Variants in ELP4 observed in about 807,000 individuals in gnomAD.
ELP4 encodes the protein elongator complex protein 4.
ELP4 carries 51 observed loss-of-function variants against 48.9 expected under a neutral mutation model. The ratio of observed to expected loss-of-function variants is 1.04; its 90% confidence interval spans 0.83 to 1.32. The LOEUF (loss-of-function observed/expected upper bound fraction) is 1.32. ELP4 is among the 40% of genes most tolerant of loss of function. The pLI is 0.00. For missense variants in ELP4, 519 were observed against 514.6 expected (o/e 1.01, Z -0.08); for synonymous variants, 210 against 189.2 (o/e 1.11, Z -0.90).
At chr11:31,569,549 C>G (rs1292710354) in intron 3 of ELP4, among the ~76,000 whole-genome samples, 1 of 151,878 alleles carries the variant, frequency 6.6e-6, no homozygotes, top group East Asian at 1.9e-4. Flanking sequence ...TCAGGAGTTC[C>G]AGACCAGCCT....
chr11:31,696,580 A>T (rs1338674228), intron 9 of ELP4, among the ~76,000 whole-genome samples: 1 of 152,110 alleles, frequency 6.6e-6, no homozygotes, highest in East Asian at 1.9e-4. Flanking sequence ...GGAGTGCTTT[A>T]CTTCCAACTA....
chr11:31,524,280 GGGCTGA>G (rs1956261733), intron 2 of ELP4, among the ~76,000 whole-genome samples: 1 of 152,188 alleles, frequency 6.6e-6, no homozygotes, highest in Non-Finnish European at 1.5e-5. Context: ...GTGTCAGCCA[GGGCTGA>G]GTTCTCATCT....
intron 9 of ELP4, among the ~76,000 whole-genome samples, chr11:31,710,260 A>G (rs1176496618): frequency 6.6e-6 from 1 of 152,214 alleles, no homozygotes; most frequent in Non-Finnish European, 1.5e-5. Context: ...AATGAACAAG[A>G]TTTGTATGGA....
chr11:31,612,498 G>A lies in ELP4; in HGVS notation c.653+8591G>A, dbSNP rs557623235. Among the ~76,000 whole-genome samples the A allele has an allele frequency of 1.8e-4, 27 of 152,260 alleles. No homozygotes were observed. The South Asian group carries it at 5.4e-3, about 30-fold the overall frequency. On this transcript the variant is annotated intron_variant, in intron 5 of 9. Coordinates refer to ENST00000640961, the MANE Select transcript of ELP4 (RefSeq NM_019040.5). Reference sequence around the variant, plus strand: ...TCCTGGGTTGAAATTTTGCAAGGTGGAGTGAGTAGGACAAAGAACAAAGAA... The same window carrying A: ...TCCTGGGTTGAAATTTTGCAAGGTGAAGTGAGTAGGACAAAGAACAAAGAA...
At chr11:31,561,910 G>A (rs1957031048) in intron 3 of ELP4, among the ~76,000 whole-genome samples, 1 of 152,122 alleles carries the variant, frequency 6.6e-6, no homozygotes. Context: ...TTTTGATATG[G>A]GTGAGAAAAT....
At chr11:31,681,599 TAGA>T (rs1191609717) in intron 9 of ELP4, among the ~76,000 whole-genome samples, 1 of 152,116 alleles carries the variant, frequency 6.6e-6, no homozygotes, top group African/African-American at 2.4e-5. Flanking sequence ...GAAGGCAAAT[TAGA>T]AGAAGACTGA....
At chr11:31,593,867 G>A (rs1957629392) in intron 3 of ELP4, among the ~76,000 whole-genome samples, 2 of 152,302 alleles carry the variant, frequency 1.3e-5, no homozygotes, top group East Asian at 3.9e-4. Context: ...TTTAGAAGGT[G>A]AGTAAAATAT....
intron 9 of ELP4, among the ~76,000 whole-genome samples, chr11:31,725,485 T>C (rs1947057078): frequency 6.6e-6 from 1 of 152,220 alleles, no homozygotes; most frequent in Admixed American, 6.5e-5. Context: ...TAGTTCTCCC[T>C]GCCTTGCTTG....
chr11:31,744,836 G>A (rs932082029), intron 9 of ELP4, among the ~76,000 whole-genome samples: 1 of 152,100 alleles, frequency 6.6e-6, no homozygotes, highest in Non-Finnish European at 1.5e-5. Context: ...GCACAAGACA[G>A]GGATGCCCTC....
intron 9 of ELP4, among the ~76,000 whole-genome samples, chr11:31,703,901 T>C (rs1031635259): frequency 7.9e-5 from 12 of 152,184 alleles, no homozygotes; most frequent in African/African-American, 2.9e-4. Flanking sequence ...CTGGTAAACA[T>C]TTCAACTTGA....
At chr11:31,573,800 C>G (rs747462219) in intron 3 of ELP4, among the ~76,000 whole-genome samples, 4 of 150,542 alleles carry the variant, frequency 2.7e-5, no homozygotes, top group Non-Finnish European at 5.9e-5. Context: ...TCAAACACCC[C>G]TTTCTCCAAC....
rs200155061 is a variant in ELP4 at position 31,783,433 on chromosome 11, G to C, written c.1184G>C (p.Arg395Pro). The C allele has an allele frequency of 6.2e-7, 1 of 1,613,878 alleles. No individual in the cohort carries two copies. Among genetic ancestry groups the C allele is most frequent in the African/African-American group, 1.3e-5 (1 of 74,920 alleles). Residue 395 changes from arginine (R) to proline (P), a missense_variant, in exon 10 of 10, where the codon CGC (arginine) becomes CCC (proline). Transcript: ENST00000640961. Reference protein sequence around the residue: ...LPPDLSDTVSRSSKMDLAESA... With the variant: ...LPPDLSDTVSPSSKMDLAESA... The stretch of plus-strand genomic sequence containing the variant: ...CCAGACTTGTCAGACACAGTGAGCC[G>C]CTCAAGCAAAATGGATCTGGCAGAA...
chr11:31,709,406 A>C (rs565435792), intron 9 of ELP4, among the ~76,000 whole-genome samples: 19 of 152,136 alleles, frequency 1.2e-4, no homozygotes, highest in Non-Finnish European at 2.5e-4. Flanking sequence ...TTACCGAATG[A>C]CCCAAGTTTC....
intron 9 of ELP4, among the ~76,000 whole-genome samples, chr11:31,747,106 G>A (rs1217331423): frequency 1.3e-5 from 2 of 151,972 alleles, no homozygotes; most frequent in African/African-American, 2.4e-5. Flanking sequence ...AAAAATGAGT[G>A]TAGAGAGAGA....
Position 31,746,801 on chromosome 11 carries a change from A to T in ELP4, c.1144-36592A>T, listed in dbSNP as rs559299822. On this transcript the variant is annotated intron_variant, in intron 9 of 9. Transcript: ENST00000640961. ...ATACCTAATGCTAAATGACGAGTTA[A>T]TGGGTGCAGCACACCAACATGGCAC... 1.1e-4 allele frequency among the ~76,000 whole-genome samples: 17 copies of T among 152,230 alleles called. No homozygotes were observed. The East Asian group carries it at 2.7e-3, about 24-fold the overall frequency.
intron 9 of ELP4, among the ~76,000 whole-genome samples, chr11:31,743,110 G>C (rs560567864): frequency 6.6e-6 from 1 of 152,196 alleles, no homozygotes; most frequent in East Asian, 1.9e-4. Flanking sequence ...CCTACTCTCT[G>C]ATAAAACAGA....
intron 9 of ELP4, among the ~76,000 whole-genome samples, chr11:31,732,235 A>G (rs1018194248): frequency 2.6e-5 from 4 of 152,226 alleles, no homozygotes; most frequent in African/African-American, 9.6e-5. Context: ...CTATAACTAT[A>G]AAAATATGCA....
At chr11:31,733,969 A>G (rs1947249402) in intron 9 of ELP4, among the ~76,000 whole-genome samples, 1 of 152,236 alleles carries the variant, frequency 6.6e-6, no homozygotes, top group Non-Finnish European at 1.5e-5. Context: ...AATCTTCAAC[A>G]AAAAACCTAG....
intron 9 of ELP4, among the ~76,000 whole-genome samples, chr11:31,687,891 A>T (rs553955524): frequency 6.6e-6 from 1 of 152,204 alleles, no homozygotes; most frequent in Non-Finnish European, 1.5e-5. Context: ...AAACCAAATT[A>T]AGTATAAATA....
Sources: gnomAD v4.1 joint callset for allele counts (sites outside exome capture counted in the v4.1 genomes callset) on GRCh38, gnomAD v4.1.1 for gene constraint, MANE v1.5 for transcripts, NCBI Gene and HGNC (gene_info 2026-07-23, HGNC 2026-07-21) for gene names.